The following CACNA2D4 variants were observed in gnomAD, a reference collection of about 807,000 sequenced individuals.
The protein encoded by CACNA2D4 is calcium voltage-gated channel auxiliary subunit alpha2delta 4.
CACNA2D4 carries 157 observed loss-of-function variants against 163.8 expected under a neutral mutation model. The observed-to-expected ratio is 0.96, with a 90% confidence interval of 0.84 to 1.09. The LOEUF is 1.09. Ranked by LOEUF, CACNA2D4 falls within the 50% of genes least tolerant of loss-of-function variation. The pLI, the probability that CACNA2D4 is intolerant of heterozygous loss-of-function variation, is 0.00. For missense variants in CACNA2D4, 1,410 were observed against 1,479.9 expected (o/e 0.95, Z 0.78); for synonymous variants, 598 against 586.9 (o/e 1.02, Z -0.27).
Position 1,829,167 on chromosome 12 carries a change from T to TGG in CACNA2D4, c.2551+11570_2551+11571dup, listed in dbSNP as rs540612893. 2.8e-3 allele frequency among the ~76,000 whole-genome samples: 432 copies of TGG among 151,856 alleles called. 2 individuals are homozygous for TGG. The highest frequency in any genetic ancestry group is 8.0e-3 in the East Asian group (41 of 5,138). On this transcript the variant is annotated intron_variant, in intron 26 of 37. Coordinates refer to ENST00000382722, the MANE Select transcript of CACNA2D4 (RefSeq NM_172364.5). This position sits in a 1 kb window ranked among gnomAD's most constrained non-coding sequence, Gnocchi z 4.2. ...TATGCCACCTTGATCTCCAGGGAGG[T>TGG]GGGGGGCGCAGGGAGTCGCTCTTCC...
chr12:1,842,850 G>A (rs1865058309), intron 25 of CACNA2D4, among the ~76,000 whole-genome samples: 1 of 152,176 alleles, frequency 6.6e-6, no homozygotes, highest in Non-Finnish European at 1.5e-5. Context: ...GGACGGTGTG[G>A]GAAGGGGTCT....
chr12:1,914,031 C>T (rs1211625532), intron 2 of CACNA2D4, among the ~76,000 whole-genome samples: 1 of 152,236 alleles, frequency 6.6e-6, no homozygotes. Context: ...GCTACAGTGG[C>T]CTGTGGGGGC....
At chr12:1,835,785 C>T (rs956435072) in intron 26 of CACNA2D4, 1 of 152,634 alleles carries the variant, frequency 6.6e-6, no homozygotes, top group Non-Finnish European at 1.5e-5. Flanking sequence ...TTGCCTCGGT[C>T]CTGCCCACGC....
intron 29 of CACNA2D4, among the ~76,000 whole-genome samples, chr12:1,804,227 A>C (rs939079600): frequency 3.3e-5 from 5 of 151,754 alleles, no homozygotes; most frequent in African/African-American, 4.8e-5. Flanking sequence ...CTTCTGTCCC[A>C]CAGCACCACA....
intron 18 of CACNA2D4, among the ~76,000 whole-genome samples, chr12:1,864,773 C>G (rs1865606008): frequency 6.6e-6 from 1 of 152,256 alleles, no homozygotes; most frequent in African/African-American, 2.4e-5. Context: ...AAAACGCCTT[C>G]GTGCCGCGGA....
At chr12:1,796,641 C>G (rs967378503) in intron 35 of CACNA2D4, among the ~76,000 whole-genome samples, 1 of 152,196 alleles carries the variant, frequency 6.6e-6, no homozygotes, top group African/African-American at 2.4e-5. Flanking sequence ...CCGCGCAGCA[C>G]GACGCGCAGG....
At chr12:1,810,146 C>T in intron 29 of CACNA2D4, 132 bp downstream of exon 29, 1 of 704,274 alleles carries the variant, frequency 1.4e-6, no homozygotes, top group East Asian at 2.7e-5. Context: ...TTCTTCAGAC[C>T]TTTCACCTGA....
In CACNA2D4 at chr12:1,799,427, T is replaced by C; in HGVS notation, c.2995+248A>G. Among the ~76,000 whole-genome samples, 1 of 152,328 alleles carries C rather than the reference T, an allele frequency of 6.6e-6. No homozygotes were observed. Among genetic ancestry groups the C allele is most frequent in the East Asian group, 1.9e-4 (1 of 5,180 alleles). ...ACACCACCGGCTTCCTCTTGGAATC[T>C]TACGTGTTCTCACCCAAGGGGAGGC... is the stretch of plus-strand genomic sequence containing the variant. On this transcript the variant is annotated intron_variant, in intron 34 of 37. Coordinates refer to ENST00000382722, the MANE Select transcript of CACNA2D4 (RefSeq NM_172364.5). This position sits in a 1 kb window ranked among gnomAD's most constrained non-coding sequence, Gnocchi z 4.7.
chr12:1,795,283 C>T lies in CACNA2D4; in HGVS notation c.3309+16G>A. The T allele has an allele frequency of 3.7e-6, 6 of 1,612,048 alleles. No individual in the cohort carries two copies. The highest frequency in any genetic ancestry group is 5.1e-6 in the Non-Finnish European group (6 of 1,179,278). On this transcript the variant is annotated intron_variant, in intron 37 of 37. Coordinates refer to ENST00000382722, the MANE Select transcript of CACNA2D4 (RefSeq NM_172364.5). The stretch of plus-strand genomic sequence containing the variant: ...GATGAAAATCCAGCCCACCCTCGAT[C>T]CGCCTCAACCCGCACCTCTGGATGG...
chr12:1,858,648 T>C lies in CACNA2D4; in HGVS notation c.1941-4A>G, dbSNP rs1865454942. ...CCGGGACAGCACCACCCCCAAACTGTGGGGAGAGAAGAGAAGGCACTCATT... is the reference window on the plus strand; with the variant it reads ...CCGGGACAGCACCACCCCCAAACTGCGGGGAGAGAAGAGAAGGCACTCATT... On this transcript the variant is annotated splice_region_variant and splice_polypyrimidine_tract_variant and intron_variant, in intron 19 of 37. Transcript: ENST00000382722. 3 of 1,593,228 alleles carry C rather than the reference T, an allele frequency of 1.9e-6. No homozygotes were observed. Among genetic ancestry groups the C allele is most frequent in the South Asian group, 1.1e-5 (1 of 87,834 alleles).
chr12:1,856,203 G>A lies in CACNA2D4; in HGVS notation c.2035C>T (p.Leu679=), dbSNP rs2286372. ...EGLHDLLHPD[L]ALAGDWIYCI... ...ACTTACCAGTCACCGGCCAGGGCCA[G>A]GTCTGGGTGAAGCAAGTCATGCAGG... Residue 679 remains leucine, a synonymous_variant, in exon 21 of 38, where the codon CTG becomes TTG. Coordinates refer to ENST00000382722, the MANE Select transcript of CACNA2D4 (RefSeq NM_172364.5). 77,275 of 1,613,974 alleles carry A rather than the reference G, an allele frequency of 0.048. 7,778 individuals carry two copies. The highest frequency in any genetic ancestry group is 0.44 in the East Asian group (19,903 of 44,874).
intron 26 of CACNA2D4, among the ~76,000 whole-genome samples, chr12:1,815,388 C>A (rs1324142860): frequency 2.0e-5 from 3 of 151,058 alleles, no homozygotes; most frequent in Non-Finnish European, 4.4e-5. Flanking sequence ...TTCCCATCGT[C>A]AGGTCTCAGC....
intron 18 of CACNA2D4, among the ~76,000 whole-genome samples, chr12:1,871,580 T>C (rs972505027): frequency 6.6e-6 from 1 of 151,596 alleles, no homozygotes; most frequent in East Asian, 1.9e-4. Flanking sequence ...TACGTGTGTG[T>C]TGCTGGTGTA....
rs1471194260 is a variant in CACNA2D4 at position 1,810,571 on chromosome 12, C to T, written c.2630G>A (p.Gly877Glu). ...AATRQCSTVD[G>E]PCTQSCEDSD... ...GTCCTCGCAGCTCTGTGTGCACGGC[C>T]CATCCACAGTGCTGCACTGGAAGGA... Residue 877 changes from glycine to glutamate, a missense_variant, in exon 28 of 38, where the codon GGG (glycine) becomes GAG (glutamate). Gly to Glu is a moderately conservative substitution (Grantham distance 98). Transcript: ENST00000382722. 1.3e-6 allele frequency: 2 copies of T among 1,553,632 alleles called. No homozygotes were observed. Among genetic ancestry groups the T allele is most frequent in the Non-Finnish European group, 8.7e-7 (1 of 1,148,008 alleles).
In CACNA2D4 at chr12:1,844,553, C is replaced by T. The variant is rs536886620; in HGVS notation, c.2343-24G>A. 1.2e-6 allele frequency: 2 copies of T among 1,608,638 alleles called. No homozygotes were observed. The highest frequency in any genetic ancestry group is 2.2e-5 in the South Asian group (2 of 90,330). On this transcript the variant is annotated intron_variant, in intron 24 of 37. Transcript: ENST00000382722. This position sits in a 1 kb window ranked among gnomAD's most constrained non-coding sequence, Gnocchi z 4.2. ...TCCTGCAAGGAGGAAGATGTGGTACCTCTCCCCAGATCTGTGAACACAGTC... is the reference window on the plus strand; with the variant it reads ...TCCTGCAAGGAGGAAGATGTGGTACTTCTCCCCAGATCTGTGAACACAGTC...
chr12:1,837,973 GA>G (rs1027690556), intron 26 of CACNA2D4, among the ~76,000 whole-genome samples: 1 of 152,218 alleles, frequency 6.6e-6, no homozygotes, highest in African/African-American at 2.4e-5. Flanking sequence ...TGGCCGGCAG[GA>G]AGGGCCTCTG....
chr12:1,903,998 T>C (rs11062016), intron 6 of CACNA2D4, among the ~76,000 whole-genome samples: 32,351 of 151,886 alleles, frequency 0.21, 4,170 homozygotes, highest in East Asian at 0.54. Context: ...GAAGAATGGA[T>C]AAAGAAAATG....
chr12:1,900,645 G>A (rs1206006496), intron 6 of CACNA2D4, among the ~76,000 whole-genome samples: 2 of 152,124 alleles, frequency 1.3e-5, no homozygotes, highest in African/African-American at 2.4e-5. Flanking sequence ...AATTCAGCAA[G>A]AGGATATAAC....
intron 18 of CACNA2D4, among the ~76,000 whole-genome samples, chr12:1,868,426 A>G (rs941769795): frequency 3.9e-5 from 6 of 151,954 alleles, no homozygotes; most frequent in Non-Finnish European, 1.5e-5. Context: ...ATAGAAACAG[A>G]GAAAAATGGT....
Sources: allele counts gnomAD v4.1 joint callset (sites outside exome capture counted in the v4.1 genomes callset), GRCh38; gene constraint gnomAD v4.1.1; non-coding constraint Gnocchi (gnomAD v3.1); transcripts MANE v1.5; gene names NCBI Gene and HGNC (gene_info 2026-07-23, HGNC 2026-07-21).